Variants in TERF2 observed in about 807,000 individuals in gnomAD.
TERF2 encodes telomeric repeat binding factor 2, also known as telomeric repeat-binding factor 2.
In TERF2, 16 loss-of-function variants were observed where a neutral mutation model predicts 56.1. The ratio of observed to expected loss-of-function variants is 0.29; its 90% CI spans 0.19 to 0.43. The LOEUF is 0.43. Among genes scored for constraint, TERF2 ranks in the 20% least tolerant of loss-of-function variants. The pLI, the probability that TERF2 is intolerant of heterozygous loss-of-function variation, is 1.00. For missense variants in TERF2, 547 were observed against 712.9 expected, an observed-to-expected ratio of 0.77 and a Z score of 2.65; for synonymous variants, 296 against 282.1, an observed-to-expected ratio of 1.05 and a Z score of -0.50.
At chr16:69,366,620 G>T in intron 7 of TERF2, 187 bp downstream of exon 7, 2 of 708,012 alleles carry the variant, frequency 2.8e-6, no homozygotes, top group East Asian at 2.8e-5. Context: ...AAGCCCACAT[G>T]CGGGGCTTCA....
intron 4 of TERF2, among the ~76,000 whole-genome samples, chr16:69,371,028 G>T (rs1410599722): frequency 6.8e-6 from 1 of 146,126 alleles, no homozygotes; most frequent in African/African-American, 2.6e-5. Context: ...CAATTTGCTT[G>T]CACATGCATA....
At chr16:69,381,183 C>T (rs1030381565) in intron 3 of TERF2, among the ~76,000 whole-genome samples, 1 of 152,200 alleles carries the variant, frequency 6.6e-6, no homozygotes, top group Non-Finnish European at 1.5e-5. Context: ...CTATCAAGCA[C>T]ATGAATACAA....
chr16:69,369,363 G>A (rs534356075), intron 5 of TERF2, among the ~76,000 whole-genome samples: 1 of 152,234 alleles, frequency 6.6e-6, no homozygotes, highest in Admixed American at 6.5e-5. Flanking sequence ...CCAGGCTGAA[G>A]TGCAGTGGCA....
At chr16:69,366,179 GCAAAAGTACAGTGGTAGAAA>G (rs1356212064) in intron 7 of TERF2, 1 of 152,306 alleles carries the variant, frequency 6.6e-6, no homozygotes, top group Non-Finnish European at 1.5e-5. Flanking sequence ...ATGAGAGGAA[GCAAAAGTACAGTGGTAGAAA>G]CAAACAACAT....
At chr16:69,376,619 G>A (rs1238821074) in intron 3 of TERF2, among the ~76,000 whole-genome samples, 3 of 151,072 alleles carry the variant, frequency 2.0e-5, no homozygotes, top group African/African-American at 4.9e-5. Context: ...GTTGAGGTGG[G>A]AGCGTCACTT....
intron 7 of TERF2, chr16:69,366,451 C>T (rs1050751047): frequency 4.4e-6 from 1 of 229,668 alleles, no homozygotes; most frequent in African/African-American, 2.2e-5. Context: ...TTTTAAGGGT[C>T]AAAGTATAAT....
intron 3 of TERF2, among the ~76,000 whole-genome samples, chr16:69,378,073 C>T (rs1464574428): frequency 6.6e-6 from 1 of 152,104 alleles, no homozygotes; most frequent in African/African-American, 2.4e-5. Flanking sequence ...GAGGAAGTTC[C>T]CTTCATTCCT....
rs148617468 is a variant in TERF2 at position 69,373,766 on chromosome 16, G to A, written c.607-1411C>T. Among the ~76,000 whole-genome samples, 14 of 152,288 alleles carry A rather than the reference G, an allele frequency of 9.2e-5. No homozygotes were observed. In the East Asian group the frequency reaches 2.5e-3, roughly 27 times the overall value. On this transcript the variant is annotated intron_variant, in intron 3 of 9. Coordinates refer to ENST00000254942, the MANE Select transcript of TERF2 (RefSeq NM_005652.5). ...GAGGATCACTTGGGTCTGGGAGATC[G>A]GGGCTGCAGTGAGCAGTGACTGTAC...
intron 3 of TERF2, among the ~76,000 whole-genome samples, chr16:69,376,802 G>T (rs529821732): frequency 6.7e-6 from 1 of 148,600 alleles, no homozygotes; most frequent in South Asian, 2.2e-4. Context: ...CAAGGCTGCA[G>T]TGAGCCATGA....
intron 2 of TERF2, 34 bp from the exon 3 acceptor site, chr16:69,384,744 T>C (rs778458606): frequency 9.0e-6 from 14 of 1,555,510 alleles, no homozygotes; most frequent in Non-Finnish European, 1.0e-5. Context: ...TTTTAAGCTC[T>C]TTTCTAAGGG....
At chr16:69,367,752 T>C (rs1429944791) in intron 6 of TERF2, among the ~76,000 whole-genome samples, 2 of 152,226 alleles carry the variant, frequency 1.3e-5, no homozygotes, top group African/African-American at 4.8e-5. Flanking sequence ...GCCTGTCTTG[T>C]TGTCTAACCA....
chr16:69,379,826 C>A (rs958931961), intron 3 of TERF2, among the ~76,000 whole-genome samples: 1 of 152,044 alleles, frequency 6.6e-6, no homozygotes, highest in Non-Finnish European at 1.5e-5. Flanking sequence ...TTTTGAAAAT[C>A]TCTTTAATAT....
intron 3 of TERF2, among the ~76,000 whole-genome samples, chr16:69,378,959 GGA>G (rs1491287177): frequency 6.7e-6 from 1 of 148,356 alleles, no homozygotes; most frequent in African/African-American, 2.5e-5. Flanking sequence ...GTGGGGGGGG[GGA>G]AATTAAAAAG....
At chr16:69,379,005 G>A (rs1487287193) in intron 3 of TERF2, among the ~76,000 whole-genome samples, 1 of 151,642 alleles carries the variant, frequency 6.6e-6, no homozygotes, top group Non-Finnish European at 1.5e-5. Context: ...GCAGTTCCCA[G>A]AAGTAAGTAT....
At chr16:69,375,275 G>A (rs1237251912) in intron 3 of TERF2, among the ~76,000 whole-genome samples, 1 of 152,208 alleles carries the variant, frequency 6.6e-6, no homozygotes, top group Non-Finnish European at 1.5e-5. Context: ...CCCAAGAATA[G>A]GATTGCATGG....
At chr16:69,363,715 TCCCAGCAGTTTGAGAGG>T (rs2013233126) in intron 7 of TERF2, among the ~76,000 whole-genome samples, 1 of 152,192 alleles carries the variant, frequency 6.6e-6, no homozygotes, top group Non-Finnish European at 1.5e-5. Context: ...ACGTCTGTAA[TCCCAGCAGTTTGAGAGG>T]CCCAGGCAGG....
intron 3 of TERF2, among the ~76,000 whole-genome samples, chr16:69,374,922 G>A (rs983530754): frequency 5.3e-5 from 8 of 151,976 alleles, no homozygotes; most frequent in African/African-American, 1.5e-4. Context: ...CCGAGATTGC[G>A]CCACTGCACT....
intron 4 of TERF2, 97 bp from the exon 5 acceptor site, chr16:69,370,726 A>G (rs1229874286): frequency 8.4e-7 from 1 of 1,188,060 alleles, no homozygotes; most frequent in Non-Finnish European, 1.2e-6. Context: ...AACTTCTGCA[A>G]TGCCGTCAAT....
chr16:69,367,136 C>T lies in TERF2; in HGVS notation c.1011G>A (p.Leu337=). Residue 337 remains leucine, a synonymous_variant, in exon 7 of 10, where the codon CTG becomes CTA. Transcript: ENST00000254942. Reference sequence around the variant, plus strand: ...CTGCCTCAGAATCCTGTGCACCAGACAGAGTCTTGAAAGCTGCTTTCAGAG... The same window carrying T: ...CTGCCTCAGAATCCTGTGCACCAGATAGAGTCTTGAAAGCTGCTTTCAGAG... ...MMTLKAAFKT[L]SGAQDSEAAF... 1 of 1,614,178 alleles carries T rather than the reference C, an allele frequency of 6.2e-7. No individual in the cohort carries two copies. The highest frequency in any genetic ancestry group is 2.2e-5 in the East Asian group (1 of 44,882).
Sources: gnomAD v4.1 joint callset for allele counts (sites outside exome capture counted in the v4.1 genomes callset) on GRCh38, gnomAD v4.1.1 for gene constraint, MANE v1.5 for transcripts, NCBI Gene and HGNC (gene_info 2026-07-23, HGNC 2026-07-21) for gene names.